Variants in PRMT8 observed in about 807,000 individuals in gnomAD.
PRMT8 encodes protein arginine methyltransferase 8.
Under a neutral mutation model 47.1 loss-of-function variants are expected in PRMT8, and 7 were observed. The observed-to-expected ratio is 0.15, with a 90% CI of 0.08 to 0.28. PRMT8 has a LOEUF of 0.28. PRMT8 is among the 10% of genes least tolerant of loss of function. The pLI is 1.00. For synonymous variants in PRMT8, 188 were observed against 186.5 expected, an observed-to-expected ratio of 1.01 and a Z score of -0.07; for missense variants, 237 against 505.4, an observed-to-expected ratio of 0.47 and a Z score of 5.09.
At position 3,514,175 on chromosome 12, in the gene PRMT8, C is replaced by T. The variant is rs1268102807; in HGVS notation, c.75+22475C>T. 6.6e-6 allele frequency among the ~76,000 whole-genome samples: 1 copy of T among 150,880 alleles called. No homozygotes were observed. The highest frequency in any genetic ancestry group is 1.5e-5 in the Non-Finnish European group (1 of 67,946). On this transcript the variant is annotated intron_variant, in intron 1 of 9. Coordinates refer to ENST00000382622, the MANE Select transcript of PRMT8 (RefSeq NM_019854.5). This position sits in a 1 kb window ranked among gnomAD's most constrained non-coding sequence, Gnocchi z 5.9. Reference sequence around the variant, plus strand: ...CTGACTGTTCCATGTGTCAGGCTGCCGTGCAGATGTTCTAGCCTCTCTGAA... The same window carrying T: ...CTGACTGTTCCATGTGTCAGGCTGCTGTGCAGATGTTCTAGCCTCTCTGAA...
rs989158910 is a variant in PRMT8, at chr12:3,394,822, C to A, written c.48+13380C>A. On this transcript the variant is annotated intron_variant, in intron 1 of 9. Coordinates refer to the PRMT8 transcript ENST00000452611. ...TCCTTGTACCTCTGGTAGAATTCAGCTGTGAATCCATCTGGTCCTGGACTC... is the reference window on the plus strand; with the variant it reads ...TCCTTGTACCTCTGGTAGAATTCAGATGTGAATCCATCTGGTCCTGGACTC... 1.3e-4 allele frequency among the ~76,000 whole-genome samples: 20 copies of A among 151,642 alleles called. No homozygotes were observed. In the East Asian group the frequency reaches 2.7e-3, roughly 21 times the overall value.
chr12:3,421,420 G>T (rs34669111), intron 1 of PRMT8, among the ~76,000 whole-genome samples: 4,748 of 152,324 alleles, frequency 0.031, 74 homozygotes, highest in Non-Finnish European at 0.045. Flanking sequence ...ATCCTGCCGG[G>T]GGGTGGGGTG....
intron 1 of PRMT8, among the ~76,000 whole-genome samples, chr12:3,421,194 C>T (rs556364177): frequency 6.6e-6 from 1 of 152,302 alleles, no homozygotes; most frequent in East Asian, 1.9e-4. Context: ...TCGTTAGCAT[C>T]GAGGAGCAGA....
chr12:3,522,214 A>T (rs1002868090), intron 1 of PRMT8, among the ~76,000 whole-genome samples: 22 of 152,120 alleles, frequency 1.4e-4, no homozygotes, highest in African/African-American at 4.8e-4. Flanking sequence ...TTCCTACTAT[A>T]AAACTCAAAA....
intron 1 of PRMT8, among the ~76,000 whole-genome samples, chr12:3,461,055 CA>C (rs1292065238): frequency 6.6e-6 from 1 of 152,160 alleles, no homozygotes; most frequent in African/African-American, 2.4e-5. Context: ...CTGGTGCAGG[CA>C]GTTTTCAGGC....
intron 1 of PRMT8, among the ~76,000 whole-genome samples, chr12:3,537,579 C>A (rs1866140683): frequency 6.6e-6 from 1 of 152,160 alleles, no homozygotes; most frequent in African/African-American, 2.4e-5. Context: ...CTCTGCATAT[C>A]CAAATTGAAA....
intron 1 of PRMT8, among the ~76,000 whole-genome samples, chr12:3,533,362 C>G (rs867898171): frequency 6.6e-6 from 1 of 152,344 alleles, no homozygotes; most frequent in Non-Finnish European, 1.5e-5. Flanking sequence ...GCTTGTCCAA[C>G]CTGCAGCCTG....
intron 1 of PRMT8, among the ~76,000 whole-genome samples, chr12:3,534,829 A>G (rs1455361217): frequency 1.3e-5 from 2 of 152,228 alleles, no homozygotes; most frequent in Admixed American, 1.3e-4. Context: ...ATCAGTTTCA[A>G]GAGCACAGGT....
At chr12:3,428,008 C>T (rs187825555) in intron 1 of PRMT8, among the ~76,000 whole-genome samples, 27 of 152,240 alleles carry the variant, frequency 1.8e-4, no homozygotes, top group African/African-American at 4.6e-4. Flanking sequence ...TTCAATTATC[C>T]TTTGCTGTTA....
intron 1 of PRMT8, among the ~76,000 whole-genome samples, chr12:3,467,204 C>T (rs915265708): frequency 2.4e-5 from 3 of 127,182 alleles, no homozygotes; most frequent in African/African-American, 5.7e-5. Flanking sequence ...CGCACCACTG[C>T]ACTCCAGCCT....
chr12:3,546,563 A>C (rs1468937887), intron 2 of PRMT8, among the ~76,000 whole-genome samples: 1 of 152,250 alleles, frequency 6.6e-6, no homozygotes, highest in East Asian at 1.9e-4. Flanking sequence ...CGTGCTGATA[A>C]ATTTGACATT....
At chr12:3,460,854 C>T (rs1483087641) in intron 1 of PRMT8, among the ~76,000 whole-genome samples, 2 of 152,120 alleles carry the variant, frequency 1.3e-5, no homozygotes, top group East Asian at 1.9e-4. Flanking sequence ...GAAGAATGAC[C>T]GTCTTACATC....
intron 1 of PRMT8, among the ~76,000 whole-genome samples, chr12:3,534,589 C>A (rs1365250205): frequency 6.6e-6 from 1 of 152,214 alleles, no homozygotes; most frequent in Non-Finnish European, 1.5e-5. Flanking sequence ...TGCACCCTGA[C>A]ACCTATTGTC....
intron 1 of PRMT8, among the ~76,000 whole-genome samples, chr12:3,472,524 TACTTA>T: frequency 6.6e-6 from 1 of 152,350 alleles, no homozygotes; most frequent in African/African-American, 2.4e-5. Flanking sequence ...TGGGACAAGT[TACTTA>T]ACTTCTCTGA....
Position 3,583,807 on chromosome 12 carries a change from T to C in PRMT8, c.979+599T>C, listed in dbSNP as rs966537082. 6.6e-6 allele frequency among the ~76,000 whole-genome samples: 1 copy of C among 152,220 alleles called. No individual in the cohort carries two copies. The highest frequency in any genetic ancestry group is 1.5e-5 in the Non-Finnish European group (1 of 68,024). ...AAATGGGGATCCCATGGCCTGGCCC[T>C]GGCCCACTCTCCAGCCTCATTCCTC... On this transcript the variant is annotated intron_variant, in intron 8 of 9. Transcript: ENST00000382622. The surrounding 1 kb of genome is among the most constrained non-coding windows in gnomAD (Gnocchi z 4.7).
chr12:3,579,635 A>C (rs978041178), intron 7 of PRMT8, among the ~76,000 whole-genome samples: 1 of 152,110 alleles, frequency 6.6e-6, no homozygotes, highest in Non-Finnish European at 1.5e-5. Flanking sequence ...CCCTTCCGCC[A>C]GCTCTCTCCT....
chr12:3,511,116 A>G (rs961365123), intron 1 of PRMT8, among the ~76,000 whole-genome samples: 3 of 152,020 alleles, frequency 2.0e-5, no homozygotes, highest in Non-Finnish European at 4.4e-5. Flanking sequence ...CAGATCTTAC[A>G]TTTTGCTCTT....
chr12:3,592,745 T>G (rs1230658809), intron 9 of PRMT8, among the ~76,000 whole-genome samples: 1 of 152,164 alleles, frequency 6.6e-6, no homozygotes, highest in Non-Finnish European at 1.5e-5. Context: ...TTGCTGGCAC[T>G]TTCGGGGCAG....
At chr12:3,496,685 A>G (rs918687876) in intron 1 of PRMT8, among the ~76,000 whole-genome samples, 2 of 152,174 alleles carry the variant, frequency 1.3e-5, no homozygotes, top group African/African-American at 4.8e-5. Context: ...ATGCAAAGGA[A>G]TTAGAACATT....
Sources: allele counts gnomAD v4.1 joint callset (sites outside exome capture counted in the v4.1 genomes callset), GRCh38; gene constraint gnomAD v4.1.1; non-coding constraint Gnocchi (gnomAD v3.1); transcripts MANE v1.5; gene names NCBI Gene and HGNC (gene_info 2026-07-23, HGNC 2026-07-21).